The following TENM3 variants were observed in gnomAD, a reference collection of about 807,000 sequenced individuals.
TENM3 encodes the protein teneurin transmembrane protein 3, also known as teneurin-3.
A neutral mutation model predicts 255.1 loss-of-function variants in TENM3; 63 were observed. That is an observed-to-expected ratio of 0.25 (90% confidence interval 0.20 to 0.30). The LOEUF (loss-of-function observed/expected upper bound fraction) is 0.30, where lower values mean the gene tolerates loss of function less well. Among genes scored for constraint, TENM3 ranks in the 10% least tolerant of loss-of-function variants. The pLI, the probability that TENM3 is intolerant of heterozygous loss-of-function variation, is 1.00. For synonymous variants in TENM3, 1,306 were observed against 1,322.3 expected (o/e 0.99, Z 0.27); for missense variants, 2,929 against 3,461.1 (o/e 0.85, Z 3.86).
At chr4:181,663,271 T>C in the TENM3 span, among the ~76,000 whole-genome samples, 6 of 152,186 alleles carry the variant, frequency 3.9e-5, no homozygotes, top group Non-Finnish European at 5.9e-5. Flanking sequence ...TGGGTTTGCC[T>C]GTGCTCCAGA....
chr4:182,548,733 GT>G (rs1741706857), intron 3 of TENM3: 1 of 152,134 alleles, frequency 6.6e-6, no homozygotes, highest in South Asian at 2.1e-4. Context: ...TCATTGCAGT[GT>G]TTCCTACTGA....
chr4:181,837,654 T>G, the TENM3 span, among the ~76,000 whole-genome samples: 522 of 152,312 alleles, frequency 3.4e-3, no homozygotes, highest in Non-Finnish European at 4.5e-3. Flanking sequence ...ACCACCTTGA[T>G]ACACATGCCT....
chr4:182,644,931 AT>A (rs554168209), intron 5 of TENM3, among the ~76,000 whole-genome samples: 6 of 151,378 alleles, frequency 4.0e-5, no homozygotes, highest in East Asian at 2.0e-4. Flanking sequence ...TATTACTATA[AT>A]TTTTTTTTCT....
rs1230977965 is a variant in TENM3, at chr4:182,650,881, T to TAAAA, written c.989-2884_989-2881dup. Among the ~76,000 whole-genome samples, 224 of 59,950 alleles carry TAAAA rather than the reference T, an allele frequency of 3.7e-3. 3 individuals carry two copies. Among genetic ancestry groups the TAAAA allele is most frequent in the South Asian group, 0.018 (28 of 1,598 alleles). 39.3% of individuals were successfully genotyped at this position (59,950 alleles called of 152,430 possible). A position where few individuals can be genotyped will look rare whatever the true frequency, so the allele number is the denominator to read the frequency against. On this transcript the variant is annotated intron_variant, in intron 5 of 27. Coordinates refer to ENST00000511685, the MANE Select transcript of TENM3 (RefSeq NM_001080477.4). ...CTCACTTTATTGAGATTTTCTGTAA[T>TAAAA]AAAAAAAAATATATATATATATATA...
At chr4:182,093,645 C>T in the TENM3 span, among the ~76,000 whole-genome samples, 3 of 152,090 alleles carry the variant, frequency 2.0e-5, no homozygotes, top group Non-Finnish European at 4.4e-5. Context: ...AGAAGAACTG[C>T]TAAAATGGGG....
the TENM3 span, among the ~76,000 whole-genome samples, chr4:182,000,440 A>G: frequency 6.6e-6 from 1 of 152,126 alleles, no homozygotes; most frequent in Non-Finnish European, 1.5e-5. Context: ...TCAAGCAGGA[A>G]AAGCACTTTC....
the TENM3 span, among the ~76,000 whole-genome samples, chr4:181,996,985 C>A: frequency 6.6e-6 from 1 of 152,160 alleles, no homozygotes; most frequent in Non-Finnish European, 1.5e-5. Context: ...AACCAGTAAG[C>A]TTTGATGCAA....
At chr4:182,265,988 CAATTGACCTACCTTAA>C (rs1759218992) in intron 1 of TENM3, among the ~76,000 whole-genome samples, 1 of 152,140 alleles carries the variant, frequency 6.6e-6, no homozygotes, top group Non-Finnish European at 1.5e-5. Context: ...AAAAATTGTT[CAATTGACCTACCTTAA>C]AATTTACCTA....
At chr4:181,985,044 A>G in the TENM3 span, among the ~76,000 whole-genome samples, 1,271 of 152,136 alleles carry the variant, frequency 8.4e-3, 16 homozygotes, top group African/African-American at 0.028. Context: ...TTAAGAAAAG[A>G]AAAATGGGCA....
chr4:182,755,318 A>C, intron 22 of TENM3, 59 bp downstream of exon 22: 1 of 1,290,172 alleles, frequency 7.8e-7, no homozygotes, highest in African/African-American at 1.5e-5. Flanking sequence ...AATATCATCT[A>C]TAATAACAAT....
At chr4:182,608,095 G>T (rs931581809) in intron 4 of TENM3, among the ~76,000 whole-genome samples, 2 of 152,150 alleles carry the variant, frequency 1.3e-5, no homozygotes, top group Non-Finnish European at 2.9e-5. Flanking sequence ...AGTATTGTCT[G>T]TAAAAGTATG....
At chr4:182,622,078 C>T (rs546975114) in intron 4 of TENM3, among the ~76,000 whole-genome samples, 42 of 151,512 alleles carry the variant, frequency 2.8e-4, no homozygotes, top group Non-Finnish European at 5.6e-4. Context: ...ATAATAATTG[C>T]GGCAGGGCAT....
chr4:181,886,955 G>T, the TENM3 span, among the ~76,000 whole-genome samples: 1 of 152,162 alleles, frequency 6.6e-6, no homozygotes, highest in Admixed American at 6.5e-5. Context: ...TTGAGCCAAC[G>T]TAAATAAAAT....
chr4:181,983,788 C>G, the TENM3 span, among the ~76,000 whole-genome samples: 1 of 151,910 alleles, frequency 6.6e-6, no homozygotes, highest in Non-Finnish European at 1.5e-5. Flanking sequence ...GGAAAAAAGC[C>G]ATACAGAAAA....
the TENM3 span, among the ~76,000 whole-genome samples, chr4:181,642,520 G>GCATGACAACAAAAGCTTTTGGCAT: frequency 1.7e-3 from 253 of 152,176 alleles, 1 homozygote; most frequent in African/African-American, 5.6e-3. Flanking sequence ...ATTGCTTTTG[G>GCATGACAACAAAAGCTTTTGGCAT]TGTCTTAGAC....
chr4:181,936,566 T>C, the TENM3 span, among the ~76,000 whole-genome samples: 1 of 152,170 alleles, frequency 6.6e-6, no homozygotes, highest in Non-Finnish European at 1.5e-5. Flanking sequence ...TGGTGCAAGA[T>C]GTTGGTGCCA....
At chr4:182,246,331 G>T (rs1310672174) in intron 1 of TENM3, among the ~76,000 whole-genome samples, 18 of 152,080 alleles carry the variant, frequency 1.2e-4, no homozygotes, top group Admixed American at 1.2e-3. Context: ...GCTTATGAAT[G>T]AGATTCGCTA....
chr4:181,909,423 T>C, the TENM3 span, among the ~76,000 whole-genome samples: 1 of 152,286 alleles, frequency 6.6e-6, no homozygotes, highest in Middle Eastern at 3.4e-3. Context: ...AATGGCTGAT[T>C]AGAGACACAG....
the TENM3 span, among the ~76,000 whole-genome samples, chr4:182,100,866 T>TACTC: frequency 2.1e-5 from 2 of 95,150 alleles, 1 homozygote; most frequent in Non-Finnish European, 3.9e-5. Flanking sequence ...TACTCATATA[T>TACTC]ATATATATAG....
Sources: allele counts gnomAD v4.1 joint callset (sites outside exome capture counted in the v4.1 genomes callset), GRCh38; gene constraint gnomAD v4.1.1; transcripts MANE v1.5; gene names NCBI Gene and HGNC (gene_info 2026-07-23, HGNC 2026-07-21).